Variants in TMEM135 observed in about 807,000 individuals in gnomAD.
TMEM135 encodes transmembrane protein 135, also known as peroxisomal membrane protein 52.
In TMEM135, 30 loss-of-function variants were observed where a neutral mutation model predicts 60.3. The ratio of observed to expected loss-of-function variants is 0.50; its 90% CI spans 0.37 to 0.68. The LOEUF is 0.68. Among genes scored for constraint, TMEM135 ranks in the 30% least tolerant of loss-of-function variants. The pLI is 0.00. For missense variants in TMEM135, 468 were observed against 548.8 expected, an observed-to-expected ratio of 0.85 and a Z score of 1.47; for synonymous variants, 190 against 186.7, an observed-to-expected ratio of 1.02 and a Z score of -0.14.
intron 1 of TMEM135, among the ~76,000 whole-genome samples, chr11:87,039,266 C>T (rs1949730905): frequency 6.6e-6 from 1 of 152,118 alleles, no homozygotes; most frequent in Admixed American, 6.5e-5. Context: ...TTGCAGGCAC[C>T]CATTTCATTT....
chr11:87,297,470 CTTA>C (rs1351238464), intron 7 of TMEM135, among the ~76,000 whole-genome samples: 1 of 152,056 alleles, frequency 6.6e-6, no homozygotes, highest in Non-Finnish European at 1.5e-5. Context: ...TAAAGATTTT[CTTA>C]TTGTTGTTGC....
intron 8 of TMEM135, among the ~76,000 whole-genome samples, chr11:87,304,076 C>A (rs1167765588): frequency 1.3e-5 from 2 of 152,026 alleles, no homozygotes; most frequent in Non-Finnish European, 2.9e-5. Context: ...ACTTCACTAG[C>A]AAAGAAAATT....
At chr11:87,072,715 A>T (rs185678606) in intron 3 of TMEM135, among the ~76,000 whole-genome samples, 216 of 152,192 alleles carry the variant, frequency 1.4e-3, no homozygotes, top group East Asian at 3.9e-3. Context: ...TTTAAAAAAA[A>T]TTTTTTATTG....
chr11:87,143,611 T>G (rs1938327029), intron 4 of TMEM135, among the ~76,000 whole-genome samples: 1 of 152,174 alleles, frequency 6.6e-6, no homozygotes, highest in Admixed American at 6.5e-5. Flanking sequence ...AGCTTTGTCT[T>G]TTAGGTGTAG....
intron 1 of TMEM135, among the ~76,000 whole-genome samples, chr11:87,054,561 A>G (rs906494017): frequency 1.3e-5 from 2 of 152,240 alleles, no homozygotes; most frequent in African/African-American, 4.8e-5. Context: ...TTCCTTTTAT[A>G]AGAATGCTGA....
intron 5 of TMEM135, among the ~76,000 whole-genome samples, chr11:87,158,711 G>A (rs1009903561): frequency 6.6e-6 from 1 of 152,066 alleles, no homozygotes; most frequent in Admixed American, 6.5e-5. Flanking sequence ...TACTCCGCCC[G>A]TCTTGGCCTC....
At chr11:87,128,431 C>T (rs1248315760) in intron 4 of TMEM135, among the ~76,000 whole-genome samples, 1 of 152,084 alleles carries the variant, frequency 6.6e-6, no homozygotes, top group Non-Finnish European at 1.5e-5. Flanking sequence ...AGAATCTCTA[C>T]AAGACTAAGT....
chr11:87,257,208 G>C (rs10898646), intron 6 of TMEM135, among the ~76,000 whole-genome samples: 48,430 of 152,040 alleles, frequency 0.32, 8,917 homozygotes, highest in Non-Finnish European at 0.42. Context: ...AAAGTTCTTA[G>C]ATGAGACTTT....
chr11:87,260,160 T>G (rs1941620655), intron 6 of TMEM135, among the ~76,000 whole-genome samples: 1 of 152,212 alleles, frequency 6.6e-6, no homozygotes, highest in Non-Finnish European at 1.5e-5. Context: ...AATCAGACAG[T>G]GGAAAACAAT....
At chr11:87,129,160 G>A (rs971574726) in intron 4 of TMEM135, among the ~76,000 whole-genome samples, 1 of 149,240 alleles carries the variant, frequency 6.7e-6, no homozygotes, top group Non-Finnish European at 1.5e-5. Flanking sequence ...GAGCAGCAAG[G>A]TTGGTATTAT....
In TMEM135 at chr11:87,323,844, A is replaced by T. The variant is rs1163990435; in HGVS notation, c.*2511A>T. 3 of 452,088 alleles carry T rather than the reference A, an allele frequency of 6.6e-6. No individual in the cohort carries two copies. The highest frequency in any genetic ancestry group is 2.4e-5 in the Admixed American group (1 of 42,288). The allele number at this position is 452,088 out of a possible 1,614,324, so 28.0% of individuals were successfully genotyped here. A position where few individuals can be genotyped will look rare whatever the true frequency, so the allele number is the denominator to read the frequency against. On this transcript the variant is annotated 3_prime_UTR_variant, in exon 15 of 15. Transcript: ENST00000305494. ...TTTTATTACTCATTTTTGAAGTAAC[A>T]CCTTTGGTTTAGTTTTATTTTCCCA...
rs761279084 is a variant in TMEM135 at position 87,322,605 on chromosome 11, C to CATTTTGTTGCTAAATGT, written c.*1286_*1287insTGTATTTTGTTGCTAAA. 7.7e-4 allele frequency: 349 copies of CATTTTGTTGCTAAATGT among 453,902 alleles called. 3 individuals are homozygous for CATTTTGTTGCTAAATGT. Among genetic ancestry groups the CATTTTGTTGCTAAATGT allele is most frequent in the Non-Finnish European group, 1.5e-4 (34 of 226,688 alleles). The allele number at this position is 453,902 out of a possible 1,614,324, so 28.1% of individuals were successfully genotyped here. A position where few individuals can be genotyped will look rare whatever the true frequency, so the allele number is the denominator to read the frequency against. On this transcript the variant is annotated 3_prime_UTR_variant, in exon 15 of 15. Coordinates refer to ENST00000305494, the MANE Select transcript of TMEM135 (RefSeq NM_022918.4). ...TAGGGATGATGATATTTTTAAAATA[C>CATTTTGTTGCTAAATGT]ATTTTGTTGCTAAAAAGTTTTTAGG...
chr11:87,087,947 A>T (rs1416962272), intron 3 of TMEM135, among the ~76,000 whole-genome samples: 2 of 152,168 alleles, frequency 1.3e-5, no homozygotes, highest in Non-Finnish European at 2.9e-5. Flanking sequence ...CATGTTGGTC[A>T]GGCTGGTCTC....
intron 4 of TMEM135, among the ~76,000 whole-genome samples, chr11:87,140,118 A>G (rs1192223243): frequency 6.6e-6 from 1 of 151,902 alleles, no homozygotes; most frequent in Non-Finnish European, 1.5e-5. Flanking sequence ...CCCAGGCTGC[A>G]GTGCAATGGT....
chr11:87,152,387 T>C (rs1419569791), intron 4 of TMEM135, among the ~76,000 whole-genome samples: 1 of 152,238 alleles, frequency 6.6e-6, no homozygotes, highest in Admixed American at 6.5e-5. Context: ...TGAAATTCTT[T>C]ACTCTTGAGA....
chr11:87,130,745 TC>T (rs1281270375), intron 4 of TMEM135, among the ~76,000 whole-genome samples: 1 of 152,104 alleles, frequency 6.6e-6, no homozygotes, highest in East Asian at 1.9e-4. Context: ...CAAGCGCTCT[TC>T]CTATCTTGGC....
chr11:87,318,034 T>A, intron 12 of TMEM135, 103 bp from the exon 13 acceptor site: 1 of 841,776 alleles, frequency 1.2e-6, no homozygotes, highest in Non-Finnish European at 2.0e-6. Context: ...CTGAAGGGAG[T>A]ATTAGGATTC....
intron 5 of TMEM135, among the ~76,000 whole-genome samples, chr11:87,222,815 A>G (rs1180879816): frequency 6.7e-6 from 1 of 149,998 alleles, no homozygotes; most frequent in East Asian, 1.9e-4. Context: ...AAAAAAAAGA[A>G]AGAAAGAAAG....
intron 5 of TMEM135, among the ~76,000 whole-genome samples, chr11:87,207,875 G>T (rs1023583394): frequency 6.6e-6 from 1 of 152,166 alleles, no homozygotes; most frequent in African/African-American, 2.4e-5. Context: ...CTCCAGCCCA[G>T]CTGGGGCTCG....
Sources: allele counts gnomAD v4.1 joint callset (sites outside exome capture counted in the v4.1 genomes callset), GRCh38; gene constraint gnomAD v4.1.1; transcripts MANE v1.5; gene names NCBI Gene and HGNC (gene_info 2026-07-23, HGNC 2026-07-21).